Variants in GLT8D2 observed in about 807,000 individuals in gnomAD.
GLT8D2 encodes glycosyltransferase 8 domain-containing protein 2.
A neutral mutation model predicts 44.5 loss-of-function variants in GLT8D2; 45 were observed. That is an observed-to-expected ratio of 1.01 (90% CI 0.80 to 1.30). The LOEUF (loss-of-function observed/expected upper bound fraction) is 1.30. Ranked by LOEUF, GLT8D2 falls within the 50% of genes most tolerant of loss-of-function variation. GLT8D2 has a pLI of 0.00. For synonymous variants in GLT8D2, 156 were observed against 157.2 expected, an observed-to-expected ratio of 0.99 and a Z score of 0.06; for missense variants, 400 against 430.4, an observed-to-expected ratio of 0.93 and a Z score of 0.62.
chr12:104,063,015 C>T (rs1160894647), intron 1 of GLT8D2, among the ~76,000 whole-genome samples: 1 of 152,016 alleles, frequency 6.6e-6, no homozygotes, highest in African/African-American at 2.4e-5. Flanking sequence ...TGTGTACTCC[C>T]TATGAGAATC....
rs1566202462 is a variant in GLT8D2, at chr12:104,021,936, GAAGAAGAAGAAGAAGAAGAGGAA to G, written c.-163-468_-163-446del. Among the ~76,000 whole-genome samples, 159 of 25,618 alleles carry G rather than the reference GAAGAAGAAGAAGAAGAAGAGGAA, an allele frequency of 6.2e-3. 11 individuals carry two copies. The highest frequency in any genetic ancestry group is 0.025 in the East Asian group (12 of 488). The allele number at this position is 25,618 out of a possible 152,430, so 16.8% of individuals were successfully genotyped here. A position where few individuals can be genotyped will look rare whatever the true frequency, so the allele number is the denominator to read the frequency against. Reference sequence around the variant, plus strand: ...AGAAGAAGAAGAAGAAGAAGAAGAAGAAGAAGAAGAAGAAGAAGAGGAAGAAGAGGAAGAGGAAGAGGAAGAGG... The same window carrying G: ...AGAAGAAGAAGAAGAAGAAGAAGAAGGAAGAGGAAGAGGAAGAGGAAGAGG... On this transcript the variant is annotated intron_variant, in intron 1 of 10. Coordinates refer to ENST00000360814, the MANE Select transcript of GLT8D2 (RefSeq NM_001384711.1).
chr12:104,019,540 C>G, intron 3 of GLT8D2, 90 bp downstream of exon 3: 1 of 1,036,864 alleles, frequency 9.6e-7, no homozygotes, highest in South Asian at 1.5e-5. Flanking sequence ...AAACACAATC[C>G]AAGAAAGAAG....
chr12:104,010,666 G>T (rs975140479), intron 4 of GLT8D2, among the ~76,000 whole-genome samples: 3 of 152,184 alleles, frequency 2.0e-5, no homozygotes, highest in Non-Finnish European at 4.4e-5. Context: ...ATAGATGGGT[G>T]AATATTAGAT....
chr12:104,033,714 T>C (rs1159793788), intron 1 of GLT8D2, among the ~76,000 whole-genome samples: 1 of 152,150 alleles, frequency 6.6e-6, no homozygotes, highest in Non-Finnish European at 1.5e-5. Context: ...AGCTTGATTG[T>C]GGTAATCATT....
At chr12:104,051,794 T>A (rs1244671250), upstream of GLT8D2, among the ~76,000 whole-genome samples, 1 of 152,132 alleles carries the variant, frequency 6.6e-6, no homozygotes, top group Non-Finnish European at 1.5e-5. Flanking sequence ...TGTTGTACAC[T>A]TGGAGCACAT....
chr12:104,005,767 A>G (rs1274174369), intron 4 of GLT8D2, among the ~76,000 whole-genome samples: 2 of 152,170 alleles, frequency 1.3e-5, no homozygotes, highest in African/African-American at 2.4e-5. Context: ...AAATAGGAAC[A>G]CTTTTACACT....
intron 1 of GLT8D2, among the ~76,000 whole-genome samples, chr12:104,059,005 C>A (rs535642886): frequency 9.9e-5 from 15 of 152,256 alleles, no homozygotes; most frequent in Middle Eastern, 3.4e-3. Flanking sequence ...GATTCACATC[C>A]CAGGCAGGTA....
intron 4 of GLT8D2, among the ~76,000 whole-genome samples, chr12:104,004,261 A>G (rs184309781): frequency 6.6e-5 from 10 of 152,318 alleles, no homozygotes; most frequent in South Asian, 2.1e-4. Flanking sequence ...TGACAAACCC[A>G]CAGCCAATAT....
At chr12:104,025,395 G>C (rs1379121434) in intron 1 of GLT8D2, among the ~76,000 whole-genome samples, 1 of 151,954 alleles carries the variant, frequency 6.6e-6, no homozygotes. Flanking sequence ...TTTTTGTAGA[G>C]ATGGGGTTTT....
chr12:104,037,021 G>A (rs141138202), intron 1 of GLT8D2, among the ~76,000 whole-genome samples: 5,620 of 152,162 alleles, frequency 0.037, 191 homozygotes, highest in South Asian at 0.084. Flanking sequence ...ACTCAAAACC[G>A]CACAACTACA....
chr12:104,015,419 C>CACACACAG (rs1194247388), intron 3 of GLT8D2, among the ~76,000 whole-genome samples: 2 of 150,854 alleles, frequency 1.3e-5, no homozygotes, highest in East Asian at 3.9e-4. Flanking sequence ...CACACACACA[C>CACACACAG]ACACACACAC....
chr12:104,038,016 T>C (rs928191844), intron 1 of GLT8D2, among the ~76,000 whole-genome samples: 9 of 152,050 alleles, frequency 5.9e-5, no homozygotes, highest in Admixed American at 1.3e-4. Context: ...ACGTAATCCA[T>C]CACATAAACA....
intron 1 of GLT8D2, among the ~76,000 whole-genome samples, chr12:104,045,611 A>T (rs1880997687): frequency 6.6e-6 from 1 of 152,200 alleles, no homozygotes; most frequent in Non-Finnish European, 1.5e-5. Context: ...AAGACCTTGC[A>T]TGGGGAGCCA....
chr12:104,016,882 G>GAAAGAAAGAAAGAAAGA, intron 3 of GLT8D2, among the ~76,000 whole-genome samples: 1 of 140,366 alleles, frequency 7.1e-6, no homozygotes, highest in South Asian at 2.2e-4. Context: ...AAGAAAGAAA[G>GAAAGAAAGAAAGAAAGA]AAAAATAAAG....
rs751157772 is a variant in GLT8D2 at position 103,989,551 on chromosome 12, C to G, written c.907G>C (p.Glu303Gln). 7.4e-6 allele frequency: 12 copies of G among 1,612,812 alleles called. No homozygotes were observed. The East Asian group carries it at 2.5e-4, about 33-fold the overall frequency. Residue 303 changes from glutamate (E) to glutamine (Q), a missense_variant, in exon 11 of 11, where the codon GAG becomes CAG. Coordinates refer to ENST00000360814, the MANE Select transcript of GLT8D2 (RefSeq NM_001384711.1). Reference protein sequence around the residue: ...LGWNPDARYSEHFLQEAKLLH... With the variant: ...LGWNPDARYSQHFLQEAKLLH... Reference sequence around the variant, plus strand: ...AATTTAGCTTCCTGCAGAAAATGCTCCGAATATCTGGCATCTGGATTCCAG... The same window carrying G: ...AATTTAGCTTCCTGCAGAAAATGCTGCGAATATCTGGCATCTGGATTCCAG...
chr12:104,045,590 A>T (rs1022956482), intron 1 of GLT8D2, among the ~76,000 whole-genome samples: 1 of 152,184 alleles, frequency 6.6e-6, no homozygotes, highest in Admixed American at 6.5e-5. Flanking sequence ...AAGTTTAAAA[A>T]TAAGCCCCTG....
At chr12:104,030,718 A>C in intron 1 of GLT8D2, 2 of 1,610,234 alleles carry the variant, frequency 1.2e-6, no homozygotes, top group Non-Finnish European at 1.7e-6. Context: ...TGATTTAAAA[A>C]TAGGCAAAGG....
intron 1 of GLT8D2, among the ~76,000 whole-genome samples, chr12:104,062,009 G>A (rs576550834): frequency 6.6e-6 from 1 of 151,178 alleles, no homozygotes; most frequent in South Asian, 2.1e-4. Flanking sequence ...TTAATACTCA[G>A]TGAGAGGGAG....
chr12:104,015,631 A>T (rs954536801), intron 3 of GLT8D2, among the ~76,000 whole-genome samples: 1 of 152,162 alleles, frequency 6.6e-6, no homozygotes, highest in Non-Finnish European at 1.5e-5. Flanking sequence ...ATTGTTGCTC[A>T]GGGGTCTTGC....
Sources: allele counts gnomAD v4.1 joint callset (sites outside exome capture counted in the v4.1 genomes callset), GRCh38; gene constraint gnomAD v4.1.1; transcripts MANE v1.5; gene names NCBI Gene and HGNC (gene_info 2026-07-23, HGNC 2026-07-21).